FAR1: variants seen among roughly 807,000 people sequenced by gnomAD.
The protein encoded by FAR1 is male sterility domain-containing protein 2.
A neutral mutation model predicts 61.1 loss-of-function variants in FAR1; 22 were observed. The observed-to-expected ratio is 0.36, with a 90% CI of 0.26 to 0.51. The LOEUF is 0.51. FAR1 is among the 20% of genes least tolerant of loss of function. The probability of loss-of-function intolerance (pLI) is 0.95; values close to 1 mark genes in which losing one functional copy is unlikely to be tolerated. For missense variants in FAR1, 359 were observed against 626.9 expected (o/e 0.57, Z 4.56); for synonymous variants, 206 against 209.7 (o/e 0.98, Z 0.15).
chr11:13,728,891 G>T lies in FAR1; in HGVS notation c.*117G>T. ...ACATTAAACCATCTTAGATCGGAGT[G>T]TGAAGTAAATTATGGTATATTTTAT... On this transcript the variant is annotated 3_prime_UTR_variant, in exon 12 of 12. Coordinates refer to ENST00000354817, the MANE Select transcript of FAR1 (RefSeq NM_032228.6). The T allele has an allele frequency of 1.1e-6, 1 of 919,770 alleles. No individual in the cohort carries two copies. The highest frequency in any genetic ancestry group is 2.5e-5 in the East Asian group (1 of 40,286). 57.0% of individuals were successfully genotyped at this position (919,770 alleles called of 1,614,324 possible). A position where few individuals can be genotyped will look rare whatever the true frequency, so the allele number is the denominator to read the frequency against.
chr11:13,690,210 T>G (rs1381514343), intron 1 of FAR1, among the ~76,000 whole-genome samples: 2 of 152,142 alleles, frequency 1.3e-5, no homozygotes, highest in South Asian at 2.1e-4. Flanking sequence ...TTGTATACTT[T>G]CTTTTCTTGT....
At chr11:13,713,633 A>C (rs1848524841) in intron 8 of FAR1, among the ~76,000 whole-genome samples, 1 of 152,116 alleles carries the variant, frequency 6.6e-6, no homozygotes, top group African/African-American at 2.4e-5. Flanking sequence ...TTCAAATTTA[A>C]AGTAAAATTT....
At chr11:13,714,959 G>A (rs1450344562) in intron 9 of FAR1, among the ~76,000 whole-genome samples, 2 of 152,056 alleles carry the variant, frequency 1.3e-5, no homozygotes, top group East Asian at 1.9e-4. Flanking sequence ...TTGCTTTGAC[G>A]CTTATTTTTC....
chr11:13,707,896 A>G lies in FAR1; in HGVS notation c.366-4A>G. 6.7e-7 allele frequency: 1 copy of G among 1,503,586 alleles called. No homozygotes were observed. Among genetic ancestry groups the G allele is most frequent in the South Asian group, 1.4e-5 (1 of 72,746 alleles). The allele number at this position is 1,503,586 out of a possible 1,614,324, so 93.1% of individuals were successfully genotyped here. Reference sequence around the variant, plus strand: ...TTCTATTGTCACTTTTTCTTTTTAAACAGAGATGCTGTTCAGTTAAATGTG... The same window carrying G: ...TTCTATTGTCACTTTTTCTTTTTAAGCAGAGATGCTGTTCAGTTAAATGTG... On this transcript the variant is annotated splice_region_variant and splice_polypyrimidine_tract_variant and intron_variant, in intron 3 of 11. Coordinates refer to ENST00000354817, the MANE Select transcript of FAR1 (RefSeq NM_032228.6).
chr11:13,725,208 T>G, intron 10 of FAR1, among the ~76,000 whole-genome samples: 1 of 152,172 alleles, frequency 6.6e-6, no homozygotes. Context: ...AGAAATAGGA[T>G]AGCATAGGGC....
Position 13,690,866 on chromosome 11 carries a change from G to A in FAR1, c.-7-3893G>A, listed in dbSNP as rs191554938. Among the ~76,000 whole-genome samples the A allele has an allele frequency of 2.8e-3, 424 of 152,204 alleles. 4 individuals carry two copies. The highest frequency in any genetic ancestry group is 9.8e-3 in the African/African-American group (405 of 41,536). ...ATAGTATATGTCTCCACTTATTTAG[G>A]TGTTGTTTAATTTCTGTCAGTATTT... On this transcript the variant is annotated intron_variant, in intron 1 of 11. Transcript: ENST00000354817.
chr11:13,688,935 A>G (rs1388579468), intron 1 of FAR1, among the ~76,000 whole-genome samples: 1 of 152,122 alleles, frequency 6.6e-6, no homozygotes, highest in Non-Finnish European at 1.5e-5. Flanking sequence ...AGCTGGGACC[A>G]TTCATTTGAA....
chr11:13,680,267 T>C (rs545744848), intron 1 of FAR1, among the ~76,000 whole-genome samples: 20 of 152,266 alleles, frequency 1.3e-4, no homozygotes, highest in Admixed American at 1.2e-3. Context: ...CAGGTGAGGT[T>C]TTCTTTTTTG....
At chr11:13,714,187 G>A (rs183586630) in intron 8 of FAR1, among the ~76,000 whole-genome samples, 12 of 152,196 alleles carry the variant, frequency 7.9e-5, no homozygotes, top group Non-Finnish European at 1.6e-4. Context: ...CAGAAAGGAA[G>A]AAGCTATCGT....
chr11:13,677,169 C>T (rs966786016), intron 1 of FAR1, among the ~76,000 whole-genome samples: 2 of 152,144 alleles, frequency 1.3e-5, no homozygotes, highest in Non-Finnish European at 2.9e-5. Context: ...TAAGAATTCC[C>T]TGAAATGTTA....
At chr11:13,713,116 TG>T in intron 8 of FAR1, 83 bp downstream of exon 8, 1 of 1,239,036 alleles carries the variant, frequency 8.1e-7, no homozygotes, top group Non-Finnish European at 1.2e-6. Context: ...AGAATACCTA[TG>T]AGGCATTAAG....
intron 9 of FAR1, among the ~76,000 whole-genome samples, chr11:13,715,590 G>A (rs1565350511): frequency 1.3e-5 from 2 of 151,914 alleles, no homozygotes; most frequent in Non-Finnish European, 2.9e-5. Context: ...TTCAGTTTTT[G>A]ACTAATTATC....
intron 1 of FAR1, among the ~76,000 whole-genome samples, chr11:13,679,966 A>C (rs1362209785): frequency 2.6e-5 from 4 of 152,132 alleles, no homozygotes; most frequent in African/African-American, 9.7e-5. Context: ...AAAATAGGAT[A>C]TAGACAGTTA....
rs576646675 is a variant in FAR1, at chr11:13,670,539, G to C, written c.-8+1733G>C. 3.9e-5 allele frequency among the ~76,000 whole-genome samples: 6 copies of C among 152,214 alleles called. No homozygotes were observed. In the South Asian group the frequency reaches 1.2e-3, roughly 31 times the overall value. ...ACCCCTGACTTCAAGAGATCCATCC[G>C]CCTCGGCCTCCCAAAGTGCTGGGAT... On this transcript the variant is annotated intron_variant, in intron 1 of 11. Coordinates refer to ENST00000354817, the MANE Select transcript of FAR1 (RefSeq NM_032228.6).
intron 9 of FAR1, among the ~76,000 whole-genome samples, chr11:13,719,340 A>G (rs1170173267): frequency 6.6e-6 from 1 of 152,236 alleles, no homozygotes; most frequent in East Asian, 1.9e-4. Flanking sequence ...TTTTTTACTT[A>G]GACAATTTTG....
intron 9 of FAR1, chr11:13,720,039 C>T (rs768059047): frequency 6.6e-6 from 1 of 152,118 alleles, no homozygotes; most frequent in East Asian, 1.9e-4. Flanking sequence ...AGTTTTCAAT[C>T]CAGTATTTTT....
intron 1 of FAR1, among the ~76,000 whole-genome samples, chr11:13,677,251 T>G (rs1247487205): frequency 6.6e-6 from 1 of 152,172 alleles, no homozygotes; most frequent in Non-Finnish European, 1.5e-5. Flanking sequence ...GTTACAAGAT[T>G]TATTAGGGTA....
At chr11:13,676,477 T>C (rs1848070480) in intron 1 of FAR1, among the ~76,000 whole-genome samples, 2 of 152,170 alleles carry the variant, frequency 1.3e-5, no homozygotes, top group Admixed American at 1.3e-4. Context: ...ATTTTGAGGT[T>C]CACATCTGTG....
chr11:13,678,511 G>T (rs188564640), intron 1 of FAR1, among the ~76,000 whole-genome samples: 1 of 152,090 alleles, frequency 6.6e-6, no homozygotes, highest in African/African-American at 2.4e-5. Context: ...TGATCCACCC[G>T]CCTCGGCCTC....
Sources: gnomAD v4.1 joint callset for allele counts (sites outside exome capture counted in the v4.1 genomes callset) on GRCh38, gnomAD v4.1.1 for gene constraint, MANE v1.5 for transcripts, NCBI Gene and HGNC (gene_info 2026-07-23, HGNC 2026-07-21) for gene names.